The following SPEN variants were observed in gnomAD, a reference collection of about 807,000 sequenced individuals.
SPEN encodes the protein msx2-interacting protein.
In SPEN, 18 loss-of-function variants were observed where a neutral mutation model predicts 269.9. The observed-to-expected ratio is 0.07, with a 90% confidence interval of 0.05 to 0.10. SPEN has a LOEUF of 0.10. Ranked by LOEUF, SPEN falls within the 10% of genes least tolerant of loss-of-function variation. The probability of loss-of-function intolerance (pLI) is 1.00; values close to 1 mark genes in which losing one functional copy is unlikely to be tolerated. For missense variants in SPEN, 3,822 were observed against 4,631.2 expected, an observed-to-expected ratio of 0.83 and a Z score of 5.07; for synonymous variants, 1,726 against 1,765.7, an observed-to-expected ratio of 0.98 and a Z score of 0.56.
At position 15,874,097 on chromosome 1, in the gene SPEN, T is replaced by A. The variant is rs776377747; in HGVS notation, c.404+961T>A. ...CTTCTGCCAGCTACCTGATTCATACTTAGGGCTGGAAATATTTATGAATGT... is the reference window on the plus strand; with the variant it reads ...CTTCTGCCAGCTACCTGATTCATACATAGGGCTGGAAATATTTATGAATGT... On this transcript the variant is annotated intron_variant, in intron 2 of 14. Transcript: ENST00000375759. 8 of 1,355,672 alleles carry A rather than the reference T, an allele frequency of 5.9e-6. No homozygotes were observed. In the Admixed American group the frequency reaches 1.6e-4, roughly 27 times the overall value. The allele number at this position is 1,355,672 out of a possible 1,614,324, so 84.0% of individuals were successfully genotyped here. A position where few individuals can be genotyped will look rare whatever the true frequency, so the allele number is the denominator to read the frequency against.
chr1:15,863,182 G>A (rs1443945065), intron 1 of SPEN, among the ~76,000 whole-genome samples: 1 of 152,166 alleles, frequency 6.6e-6, no homozygotes, highest in African/African-American at 2.4e-5. Context: ...CTGGGAGGTT[G>A]AGGCTGCAGT....
intron 3 of SPEN, among the ~76,000 whole-genome samples, chr1:15,887,298 T>TTC (rs2070746196): frequency 7.0e-6 from 1 of 143,790 alleles, no homozygotes; most frequent in South Asian, 2.3e-4. Context: ...TTTTTTTTTT[T>TTC]GAGACGGAGT....
At chr1:15,873,277 T>C (rs2070599963) in intron 2 of SPEN, 141 bp downstream of exon 2, 1 of 1,401,260 alleles carries the variant, frequency 7.1e-7, no homozygotes, top group Admixed American at 2.9e-5. Context: ...CGGAAGTGAT[T>C]TATATCCCAA....
intron 8 of SPEN, among the ~76,000 whole-genome samples, chr1:15,920,321 G>A (rs1200545538): frequency 1.3e-5 from 2 of 152,058 alleles, no homozygotes; most frequent in Admixed American, 6.5e-5. Flanking sequence ...CACCTGCCTC[G>A]GCCTCCTAAA....
chr1:15,890,251 G>A (rs562997142), intron 3 of SPEN, among the ~76,000 whole-genome samples: 1 of 152,252 alleles, frequency 6.6e-6, no homozygotes, highest in African/African-American at 2.4e-5. Flanking sequence ...ATTATATACA[G>A]TTCAATAACA....
intron 13 of SPEN, 111 bp downstream of exon 13, chr1:15,938,117 T>C: frequency 7.0e-6 from 7 of 995,470 alleles, no homozygotes; most frequent in Non-Finnish European, 1.0e-5. Flanking sequence ...AACTGTATTC[T>C]TGTTGTTGTT....
At chr1:15,919,539 G>A (rs1315381149) in intron 8 of SPEN, 22 bp downstream of exon 8, 2 of 1,506,684 alleles carry the variant, frequency 1.3e-6, no homozygotes, top group South Asian at 1.2e-5. Flanking sequence ...GTTTTGGTAT[G>A]TGGTTCAGAC....
intron 1 of SPEN, among the ~76,000 whole-genome samples, chr1:15,854,077 A>G (rs898322767): frequency 6.6e-6 from 1 of 152,186 alleles, no homozygotes; most frequent in East Asian, 1.9e-4. Flanking sequence ...CTGGGATTAC[A>G]GGCGCCAGCC....
chr1:15,891,641 C>T (rs915322922), intron 3 of SPEN, among the ~76,000 whole-genome samples: 4 of 152,120 alleles, frequency 2.6e-5, no homozygotes, highest in South Asian at 4.1e-4. Context: ...TGAGCCACCG[C>T]GCCCGGCCTT....
Position 15,935,739 on chromosome 1 carries a change from G to A in SPEN, c.9499G>A (p.Ala3167Thr), listed in dbSNP as rs368644395. 10 of 1,612,964 alleles carry A rather than the reference G, an allele frequency of 6.2e-6. No homozygotes were observed. The highest frequency in any genetic ancestry group is 8.5e-6 in the Non-Finnish European group (10 of 1,179,630). The change falls in exon 11 of 15, where the codon GCT becomes ACT. Residue 3167 changes from alanine (A) to threonine (T), a missense_variant. By Grantham distance (58) the Ala-to-Thr change is moderately conservative. This residue lies in a region of SPEN where 153 missense variants were observed against 228.5 expected (regional missense o/e 0.67). Coordinates refer to ENST00000375759, the MANE Select transcript of SPEN (RefSeq NM_015001.3). This position sits in a 1 kb window ranked among gnomAD's most constrained non-coding sequence, Gnocchi z 7.7. ...GGAAGTGCATTATCACCTTCCTGTC[G>A]CTCGAGCCACAGCCCCTGTGCAGTC... ...EEEVHYHLPV[A>T]RATAPVQSEV...
chr1:15,927,940 G>T, intron 10 of SPEN, 151 bp from the exon 11 acceptor site: 1 of 704,284 alleles, frequency 1.4e-6, no homozygotes, highest in Admixed American at 3.2e-5. Flanking sequence ...TGAAGCTATA[G>T]TGGATAGCTA....
chr1:15,888,290 G>C (rs1462114013), intron 3 of SPEN, among the ~76,000 whole-genome samples: 2 of 150,428 alleles, frequency 1.3e-5, no homozygotes, highest in African/African-American at 4.9e-5. Flanking sequence ...TGTTTGACTT[G>C]GAAGCAAACT....
chr1:15,903,121 T>G (rs568849887), intron 3 of SPEN, among the ~76,000 whole-genome samples: 3 of 152,282 alleles, frequency 2.0e-5, no homozygotes, highest in East Asian at 1.9e-4. Flanking sequence ...GCATTTTCAG[T>G]GGTAAGAGTC....
At chr1:15,849,175 C>A (rs1569955089) in intron 1 of SPEN, among the ~76,000 whole-genome samples, 2 of 152,250 alleles carry the variant, frequency 1.3e-5, no homozygotes, top group East Asian at 3.9e-4. Context: ...TTCAGAGGGA[C>A]CATAGCAAAT....
chr1:15,873,077 T>G lies in SPEN; in HGVS notation c.345T>G (p.Ala115=). The G allele has an allele frequency of 1.2e-6, 2 of 1,614,130 alleles. No homozygotes were observed. Among genetic ancestry groups the G allele is most frequent in the Non-Finnish European group, 1.7e-6 (2 of 1,180,026 alleles). ...TCAGAGGAGGTGGTGGAGGGCCTGC[T>G]TATGGTCCCCCACCGTCACTTCATG... ...SGFRGGGGGP[A]YGPPPSLHAR... Residue 115 remains alanine (A), a synonymous_variant, in exon 2 of 15, where the codon GCT becomes GCG. Coordinates refer to ENST00000375759, the MANE Select transcript of SPEN (RefSeq NM_015001.3).
At chr1:15,850,550 C>T (rs928377943) in intron 1 of SPEN, among the ~76,000 whole-genome samples, 1 of 152,122 alleles carries the variant, frequency 6.6e-6, no homozygotes, top group Non-Finnish European at 1.5e-5. Flanking sequence ...CCCTCACCCC[C>T]CAAAATCCAG....
Position 15,932,251 on chromosome 1 carries a change from C to T in SPEN, c.6011C>T (p.Pro2004Leu), listed in dbSNP as rs528055288. The T allele has an allele frequency of 1.4e-5, 22 of 1,611,140 alleles. No individual in the cohort carries two copies. The highest frequency in any genetic ancestry group is 3.4e-5 in the Admixed American group (2 of 59,178). Residue 2004 changes from proline (P) to leucine (L), a missense_variant, in exon 11 of 15, where the codon CCG becomes CTG. By Grantham distance (98) the Pro-to-Leu change is moderately conservative. Transcript: ENST00000375759. This position sits in a 1 kb window ranked among gnomAD's most constrained non-coding sequence, Gnocchi z 4.2. ...GPQGKKGKNE[P>L]KVDATRPEAT... ...CAAGGGAAAAAGGGAAAAAATGAAC[C>T]GAAGGTGGATGCTACACGTCCTGAG...
chr1:15,873,398 T>TA (rs1249061762), intron 2 of SPEN: 19 of 1,175,694 alleles, frequency 1.6e-5, no homozygotes, highest in Non-Finnish European at 5.3e-6. Context: ...TTTTTGGAGT[T>TA]ACCTGTCTTC....
chr1:15,901,352 A>G lies in SPEN; in HGVS notation c.882-7969A>G, dbSNP rs191212308. 6.6e-5 allele frequency among the ~76,000 whole-genome samples: 10 copies of G among 151,744 alleles called. No individual in the cohort carries two copies. The East Asian group carries it at 1.9e-3, about 29-fold the overall frequency. The stretch of plus-strand genomic sequence containing the variant: ...TAAAAAAATAAAAAATAAAAATAAA[A>G]AAAAAATAGGCTGGGCGTGGTGGCT... On this transcript the variant is annotated intron_variant, in intron 3 of 14. Transcript: ENST00000375759.
Sources: gnomAD v4.1 joint callset for allele counts (sites outside exome capture counted in the v4.1 genomes callset) on GRCh38, gnomAD v4.1.1 for gene constraint, gnomAD v4.1.1 regional missense constraint, Gnocchi (gnomAD v3.1) non-coding constraint, MANE v1.5 for transcripts, NCBI Gene and HGNC (gene_info 2026-07-23, HGNC 2026-07-21) for gene names.